FAM171A1: variants seen among roughly 807,000 people sequenced by gnomAD.
FAM171A1 encodes protein FAM171A1.
FAM171A1 carries 23 observed loss-of-function variants against 74.9 expected under a neutral mutation model. The observed-to-expected ratio is 0.31, with a 90% confidence interval of 0.22 to 0.44. The LOEUF is 0.44. Ranked by LOEUF, FAM171A1 falls within the 20% of genes least tolerant of loss-of-function variation. The probability of loss-of-function intolerance (pLI) is 1.00; values close to 1 mark genes in which losing one functional copy is unlikely to be tolerated. For synonymous variants in FAM171A1, 527 were observed against 505.7 expected, an observed-to-expected ratio of 1.04 and a Z score of -0.57; for missense variants, 1,162 against 1,159.2, an observed-to-expected ratio of 1.00 and a Z score of -0.03.
intron 1 of FAM171A1, among the ~76,000 whole-genome samples, chr10:15,288,267 C>G (rs1835061910): frequency 6.6e-6 from 1 of 151,746 alleles, no homozygotes; most frequent in Non-Finnish European, 1.5e-5. Context: ...TTTTTTTGTT[C>G]TGGGTAGATA....
At chr10:15,267,021 G>A (rs1179659879) in intron 3 of FAM171A1, among the ~76,000 whole-genome samples, 2 of 152,192 alleles carry the variant, frequency 1.3e-5, no homozygotes, top group African/African-American at 4.8e-5. Flanking sequence ...AGACCCAACG[G>A]GCAGTTTAGC....
At chr10:15,291,567 A>T (rs1404494333) in intron 1 of FAM171A1, among the ~76,000 whole-genome samples, 2 of 152,198 alleles carry the variant, frequency 1.3e-5, no homozygotes, top group Non-Finnish European at 2.9e-5. Context: ...CATGGTATCC[A>T]AATGGCTCAA....
chr10:15,269,445 G>C (rs1564628482), intron 3 of FAM171A1, among the ~76,000 whole-genome samples: 1 of 152,020 alleles, frequency 6.6e-6, no homozygotes, highest in Non-Finnish European at 1.5e-5. Context: ...GGAATAGTAT[G>C]CTCTTAGCAC....
chr10:15,355,419 A>G (rs1214186196), intron 1 of FAM171A1, among the ~76,000 whole-genome samples: 1 of 152,112 alleles, frequency 6.6e-6, no homozygotes, highest in East Asian at 1.9e-4. Context: ...CCAAACGGCA[A>G]ATGTACTTGG....
chr10:15,370,988 T>C lies in FAM171A1; in HGVS notation c.65A>G (p.Lys22Arg). 8.4e-7 allele frequency: 1 copy of C among 1,187,602 alleles called. No individual in the cohort carries two copies. The allele number at this position is 1,187,602 out of a possible 1,614,324, so 73.6% of individuals were successfully genotyped here. A position where few individuals can be genotyped will look rare whatever the true frequency, so the allele number is the denominator to read the frequency against. ...LGCHVWKAVT[K>R]TLREPGAGAQ... ...TCCGGCGCCGGGCTCCCGCAGCGTC[T>C]TGGTCACCGCCTTCCAGACGTGGCA... The change falls in exon 1 of 8, where the codon AAG becomes AGG. Residue 22 changes from lysine to arginine, a missense_variant. Physicochemically the swap from Lys to Arg is conservative, Grantham distance 26. Transcript: ENST00000378116.
In FAM171A1 at chr10:15,254,708, A is replaced by C. The variant is rs3780930; in HGVS notation, c.577+13T>G. 0.022 allele frequency: 35,454 copies of C among 1,610,438 alleles called. 3,098 individuals carry two copies. The African/African-American group carries it at 0.25, about 11-fold the overall frequency. ...CAGTAACTCCCACTGAAAAGAGAAA[A>C]GACTCCAATTACCTGTTCCATTTCC... On this transcript the variant is annotated intron_variant, in intron 4 of 7. Coordinates refer to ENST00000378116, the MANE Select transcript of FAM171A1 (RefSeq NM_001010924.2).
At chr10:15,351,661 A>C (rs1160231677) in intron 1 of FAM171A1, among the ~76,000 whole-genome samples, 1 of 150,772 alleles carries the variant, frequency 6.6e-6, no homozygotes, top group Non-Finnish European at 1.5e-5. Flanking sequence ...GGATGCATGC[A>C]CGGATGCATG....
In FAM171A1 at chr10:15,213,240, G is replaced by A. The variant is rs1250457447; in HGVS notation, c.2348C>T (p.Thr783Met). 2 of 1,613,920 alleles carry A rather than the reference G, an allele frequency of 1.2e-6. No individual in the cohort carries two copies. Among genetic ancestry groups the A allele is most frequent in the Non-Finnish European group, 8.5e-7 (1 of 1,180,018 alleles). Residue 783 changes from threonine to methionine, a missense_variant, in exon 8 of 8, where the codon ACG (threonine) becomes ATG (methionine). By Grantham distance (81) the Thr-to-Met change is moderately conservative. Coordinates refer to ENST00000378116, the MANE Select transcript of FAM171A1 (RefSeq NM_001010924.2). The surrounding 1 kb of genome is among the most constrained non-coding windows in gnomAD (Gnocchi z 6.8). The part of the protein sequence containing the change: ...QQKEPRAPDS[T>M]AYTQLVYLDD... ...CAGGTACACGAGCTGCGTGTAGGCC[G>A]TGCTGTCTGGGGCTCGAGGCTCTTT... is the stretch of plus-strand genomic sequence containing the variant.
intron 7 of FAM171A1, among the ~76,000 whole-genome samples, chr10:15,214,848 C>T (rs1564612398): frequency 6.6e-6 from 1 of 151,372 alleles, no homozygotes; most frequent in African/African-American, 2.4e-5. Flanking sequence ...GCAGGCTTGA[C>T]CTCATGGGCT....
In FAM171A1 at chr10:15,357,906, G is replaced by A. The variant is rs571217520; in HGVS notation, c.97+13050C>T. On this transcript the variant is annotated intron_variant, in intron 1 of 7. Transcript: ENST00000378116. ...AACTGGAAAAATAAAAACCTATTAC[G>A]GTCCCATAATACCATCTATCAGTTC... is the stretch of plus-strand genomic sequence containing the variant. 3.5e-4 allele frequency among the ~76,000 whole-genome samples: 53 copies of A among 152,210 alleles called. 1 individual carries two copies. Among genetic ancestry groups the A allele is most frequent in the African/African-American group, 1.1e-3 (44 of 41,540 alleles).
chr10:15,265,736 C>T (rs571208960), intron 3 of FAM171A1, among the ~76,000 whole-genome samples: 11 of 151,726 alleles, frequency 7.2e-5, no homozygotes, highest in Non-Finnish European at 1.3e-4. Flanking sequence ...GCATAGGGCA[C>T]AGACCTGGCA....
chr10:15,371,357 C>G (rs1396812241), upstream of FAM171A1, among the ~76,000 whole-genome samples: 3 of 146,344 alleles, frequency 2.0e-5, no homozygotes, highest in Admixed American at 1.4e-4. Context: ...CGTGGTGCCA[C>G]CTGGCGGCTG....
At chr10:15,237,420 G>A (rs1366353889) in intron 5 of FAM171A1, 2 of 152,170 alleles carry the variant, frequency 1.3e-5, no homozygotes, top group African/African-American at 4.8e-5. Flanking sequence ...TCCTAGGAAT[G>A]GATTGATAAT....
chr10:15,213,251 G>A lies in FAM171A1; in HGVS notation c.2337C>T (p.Ala779=), dbSNP rs192857905. Residue 779 remains alanine (A), a synonymous_variant, in exon 8 of 8, where the codon GCC becomes GCT. Transcript: ENST00000378116. The surrounding 1 kb of genome is among the most constrained non-coding windows in gnomAD (Gnocchi z 6.8). ...VQEHQQKEPR[A]PDSTAYTQLV... is the part of the protein sequence containing the mutation. ...GCTGCGTGTAGGCCGTGCTGTCTGG[G>A]GCTCGAGGCTCTTTCTGCTGGTGCT... The A allele has an allele frequency of 5.6e-4, 905 of 1,614,054 alleles. 9 individuals carry two copies. The East Asian group carries it at 0.019, about 34-fold the overall frequency.
intron 1 of FAM171A1, among the ~76,000 whole-genome samples, chr10:15,285,270 G>A (rs1386043044): frequency 6.6e-6 from 1 of 152,194 alleles, no homozygotes; most frequent in African/African-American, 2.4e-5. Context: ...TGGATGGAGA[G>A]CGTGAGAGGC....
At chr10:15,328,214 A>G (rs912398092) in intron 1 of FAM171A1, among the ~76,000 whole-genome samples, 1 of 151,974 alleles carries the variant, frequency 6.6e-6, no homozygotes, top group African/African-American at 2.4e-5. Flanking sequence ...GTGCGATCTC[A>G]GCTCACTGCA....
chr10:15,339,689 T>C (rs1355251363), intron 1 of FAM171A1, among the ~76,000 whole-genome samples: 1 of 152,136 alleles, frequency 6.6e-6, no homozygotes, highest in African/African-American at 2.4e-5. Context: ...ACCCAACCCC[T>C]TTCCCTTCCC....
intron 1 of FAM171A1, among the ~76,000 whole-genome samples, chr10:15,354,419 C>T (rs1448865007): frequency 6.6e-6 from 1 of 151,956 alleles, no homozygotes; most frequent in African/African-American, 2.4e-5. Flanking sequence ...CTGCTTGAAC[C>T]CGGGAAGCAG....
chr10:15,290,004 C>A (rs1000035516), intron 1 of FAM171A1, among the ~76,000 whole-genome samples: 1 of 152,150 alleles, frequency 6.6e-6, no homozygotes, highest in Non-Finnish European at 1.5e-5. Flanking sequence ...CCGAGGCGGG[C>A]GGGTCACGAG....
Sources: allele counts gnomAD v4.1 joint callset (sites outside exome capture counted in the v4.1 genomes callset), GRCh38; gene constraint gnomAD v4.1.1; non-coding constraint Gnocchi (gnomAD v3.1); transcripts MANE v1.5; gene names NCBI Gene and HGNC (gene_info 2026-07-23, HGNC 2026-07-21).